XRCC4: variants seen among roughly 807,000 people sequenced by gnomAD.
The protein encoded by XRCC4 is DNA repair protein XRCC4.
XRCC4 carries 28 observed loss-of-function variants against 39.1 expected under a neutral mutation model. The observed-to-expected ratio is 0.72, with a 90% CI of 0.53 to 0.98. XRCC4 has a LOEUF of 0.98. Ranked by LOEUF, XRCC4 falls within the 50% of genes least tolerant of loss-of-function variation. The pLI, the probability that XRCC4 is intolerant of heterozygous loss-of-function variation, is 0.00. For synonymous variants in XRCC4, 123 were observed against 126.4 expected, an observed-to-expected ratio of 0.97 and a Z score of 0.18; for missense variants, 350 against 376.4, an observed-to-expected ratio of 0.93 and a Z score of 0.58.
At chr5:83,193,164 T>G (rs917516822) in intron 3 of XRCC4, among the ~76,000 whole-genome samples, 2 of 152,078 alleles carry the variant, frequency 1.3e-5, no homozygotes, top group Non-Finnish European at 2.9e-5. Flanking sequence ...CGTGGCCCCT[T>G]GCATCTGTAG....
At chr5:83,088,334 T>A (rs1343334921) in intron 1 of XRCC4, among the ~76,000 whole-genome samples, 2 of 152,196 alleles carry the variant, frequency 1.3e-5, no homozygotes. Flanking sequence ...GATGAAAAGT[T>A]TCTGGAGAGA....
chr5:83,183,537 C>T (rs1033668897), intron 3 of XRCC4, among the ~76,000 whole-genome samples: 4 of 151,384 alleles, frequency 2.6e-5, no homozygotes, highest in African/African-American at 9.7e-5. Context: ...CAGGAAAAGC[C>T]ATGTAAACAT....
intron 6 of XRCC4, among the ~76,000 whole-genome samples, chr5:83,217,260 G>A (rs1386368233): frequency 6.7e-6 from 1 of 150,266 alleles, no homozygotes; most frequent in Admixed American, 6.7e-5. Context: ...GGGAAGCTGA[G>A]TCAGGAGAAT....
intron 7 of XRCC4, among the ~76,000 whole-genome samples, chr5:83,326,809 T>C (rs2112152232): frequency 6.6e-6 from 1 of 152,182 alleles, no homozygotes; most frequent in African/African-American, 2.4e-5. Context: ...CTTGACAATT[T>C]GACACTAGCA....
In XRCC4 at chr5:83,132,472, G is replaced by A. The variant is rs1295423801; in HGVS notation, c.315+21269G>A. On this transcript the variant is annotated intron_variant, in intron 3 of 7. Coordinates refer to ENST00000396027, the MANE Select transcript of XRCC4 (RefSeq NM_003401.5). ...GTTTTCCTGGATAATATCCTGCAGA[G>A]TGTTTTCCAACTTGGTTCCATTCTC... Among the ~76,000 whole-genome samples the A allele has an allele frequency of 3.3e-5, 5 of 152,034 alleles. No homozygotes were observed. The East Asian group carries it at 9.7e-4, about 29-fold the overall frequency.
intron 6 of XRCC4, among the ~76,000 whole-genome samples, chr5:83,209,851 C>T (rs1461714596): frequency 6.6e-6 from 1 of 152,022 alleles, no homozygotes; most frequent in African/African-American, 2.4e-5. Flanking sequence ...GGTGCACAAC[C>T]ACTAAAAACA....
At chr5:83,345,724 T>G (rs1756899999) in intron 7 of XRCC4, among the ~76,000 whole-genome samples, 1 of 152,322 alleles carries the variant, frequency 6.6e-6, no homozygotes, top group East Asian at 1.9e-4. Context: ...AGTGATACCA[T>G]TTTAAACTTG....
At position 83,136,167 on chromosome 5, in the gene XRCC4, T is replaced by C. The variant is rs183796759; in HGVS notation, c.315+24964T>C. On this transcript the variant is annotated intron_variant, in intron 3 of 7. Transcript: ENST00000396027. ...GTCCTTTTACCTGATCCCTATTGTT[T>C]TTATACAAGAGGGTATAGTGAATAA... Among the ~76,000 whole-genome samples the C allele has an allele frequency of 4.7e-3, 710 of 152,324 alleles. 4 individuals carry two copies. The highest frequency in any genetic ancestry group is 0.016 in the African/African-American group (653 of 41,576).
chr5:83,207,821 A>G (rs1168821225), intron 6 of XRCC4, among the ~76,000 whole-genome samples: 3 of 152,040 alleles, frequency 2.0e-5, no homozygotes, highest in Non-Finnish European at 2.9e-5. Flanking sequence ...TAGTATTACT[A>G]TGTTTTTTGA....
chr5:83,162,593 A>G (rs1269214922), intron 3 of XRCC4, among the ~76,000 whole-genome samples: 1 of 152,222 alleles, frequency 6.6e-6, no homozygotes, highest in Non-Finnish European at 1.5e-5. Context: ...ATCTACTGAA[A>G]TGTATCACAG....
At chr5:83,288,591 C>T (rs1028432645) in intron 7 of XRCC4, among the ~76,000 whole-genome samples, 12 of 151,852 alleles carry the variant, frequency 7.9e-5, no homozygotes, top group South Asian at 2.1e-4. Flanking sequence ...TTTCTTTCAA[C>T]AGTTTAAGTA....
intron 6 of XRCC4, among the ~76,000 whole-genome samples, chr5:83,213,763 TAAAAC>T (rs1047482059): frequency 6.6e-6 from 1 of 151,814 alleles, no homozygotes; most frequent in Non-Finnish European, 1.5e-5. Context: ...TGCAAGAAAA[TAAAAC>T]TATAGACAAA....
intron 6 of XRCC4, among the ~76,000 whole-genome samples, chr5:83,226,453 C>T (rs1255857936): frequency 6.6e-6 from 1 of 152,018 alleles, no homozygotes; most frequent in Non-Finnish European, 1.5e-5. Flanking sequence ...CCTGGAAGTG[C>T]TTGTGTGCCC....
chr5:83,233,855 A>G (rs1385681978), intron 6 of XRCC4, among the ~76,000 whole-genome samples: 1 of 149,622 alleles, frequency 6.7e-6, no homozygotes, highest in Non-Finnish European at 1.5e-5. Flanking sequence ...TAAGCTTGAG[A>G]TCGCACTACT....
At chr5:83,305,448 G>A (rs301284) in intron 7 of XRCC4, among the ~76,000 whole-genome samples, 136,456 of 152,112 alleles carry the variant, frequency 0.9, 61,262 homozygotes, top group East Asian at 0.94. Flanking sequence ...CCTTTAAGAT[G>A]TATAATTTAA....
At chr5:83,099,743 C>T (rs375418683) in intron 1 of XRCC4, among the ~76,000 whole-genome samples, 23 of 152,248 alleles carry the variant, frequency 1.5e-4, no homozygotes, top group African/African-American at 5.5e-4. Flanking sequence ...GGTGCTGATA[C>T]TAATGTGACC....
intron 7 of XRCC4, among the ~76,000 whole-genome samples, chr5:83,344,244 ATTT>A (rs1162299505): frequency 6.6e-6 from 1 of 150,730 alleles, no homozygotes; most frequent in Non-Finnish European, 1.5e-5. Flanking sequence ...AAATGTGTGT[ATTT>A]TTTTTAAGAG....
chr5:83,093,534 T>C (rs1382525767), intron 1 of XRCC4, among the ~76,000 whole-genome samples: 1 of 152,182 alleles, frequency 6.6e-6, no homozygotes, highest in Non-Finnish European at 1.5e-5. Context: ...ACACAGATCA[T>C]TTCTGGGATA....
intron 7 of XRCC4, among the ~76,000 whole-genome samples, chr5:83,261,572 A>C (rs72769333): frequency 0.013 from 2,033 of 151,644 alleles, 16 homozygotes; most frequent in Middle Eastern, 0.054. Flanking sequence ...AAAGAAACAA[A>C]AGTAGGGGAA....
Sources: allele counts gnomAD v4.1 joint callset (sites outside exome capture counted in the v4.1 genomes callset), GRCh38; gene constraint gnomAD v4.1.1; transcripts MANE v1.5; gene names NCBI Gene and HGNC (gene_info 2026-07-23, HGNC 2026-07-21).